DYSF: variants seen among roughly 807,000 people sequenced by gnomAD.
The protein encoded by DYSF is dystrophy-associated fer-1-like 1.
In DYSF, 212 loss-of-function variants were observed where a neutral mutation model predicts 274.9. That is an observed-to-expected ratio of 0.77 (90% CI 0.69 to 0.86). The LOEUF is 0.86. DYSF is among the 40% of genes least tolerant of loss of function. DYSF has a pLI of 0.00. For synonymous variants in DYSF, 1,091 were observed against 1,078.7 expected (o/e 1.01, Z -0.22); for missense variants, 2,666 against 2,783.2 (o/e 0.96, Z 0.95).
intron 41 of DYSF, among the ~76,000 whole-genome samples, chr2:71,622,130 GTTT>G (rs74263952): frequency 1.0e-5 from 1 of 97,004 alleles, no homozygotes; most frequent in Non-Finnish European, 2.0e-5. Flanking sequence ...TGATTTCTTT[GTTT>G]TTTTTTTTTT....
At chr2:71,670,734 GGT>G (rs1372168397) in intron 51 of DYSF, among the ~76,000 whole-genome samples, 1 of 152,176 alleles carries the variant, frequency 6.6e-6, no homozygotes, top group Non-Finnish European at 1.5e-5. Flanking sequence ...GCCTCTTCCT[GGT>G]AGGACCAGGC....
intron 1 of DYSF, among the ~76,000 whole-genome samples, chr2:71,457,028 C>T (rs1472082400): frequency 2.0e-5 from 3 of 152,134 alleles, no homozygotes; most frequent in Admixed American, 6.5e-5. Flanking sequence ...GTTTCAAATG[C>T]GTGTTCCTCA....
chr2:71,618,457 T>G (rs1574398042), intron 40 of DYSF, among the ~76,000 whole-genome samples: 149 of 4,514 alleles, frequency 0.033, no homozygotes, highest in Middle Eastern at 0.17. Context: ...GAGGTGGGGT[T>G]GTGTGTGTGT....
At chr2:71,461,908 A>G (rs1573246496), upstream of DYSF, among the ~76,000 whole-genome samples, 3 of 152,206 alleles carry the variant, frequency 2.0e-5, no homozygotes, top group East Asian at 5.8e-4. Flanking sequence ...GGGAAAATCA[A>G]TTTATTAAAT....
chr2:71,660,424 G>A (rs2094857532), intron 44 of DYSF, 136 bp from the exon 45 acceptor site: 1 of 757,888 alleles, frequency 1.3e-6, no homozygotes, highest in Admixed American at 1.9e-5. Context: ...AGGGGGCCCT[G>A]TCTTGGCAGG....
chr2:71,478,313 G>T lies in DYSF; in HGVS notation c.92-2570G>T, dbSNP rs140837733. On this transcript the variant is annotated intron_variant, in intron 1 of 55. Coordinates refer to ENST00000410020, the MANE Select transcript of DYSF (RefSeq NM_001130987.2). The stretch of plus-strand genomic sequence containing the variant: ...TGCAAGCCCCGCCTCCTGGGTTCAC[G>T]CCATTCTCCTGCCTCAGCCTCCCGA... 4.0e-3 allele frequency among the ~76,000 whole-genome samples: 611 copies of T among 151,300 alleles called. 3 individuals are homozygous for T. The highest frequency in any genetic ancestry group is 0.014 in the African/African-American group (571 of 41,192).
chr2:71,619,662 G>A (rs1235178750), intron 40 of DYSF, among the ~76,000 whole-genome samples: 3 of 152,192 alleles, frequency 2.0e-5, no homozygotes, highest in South Asian at 2.1e-4. Context: ...CTCCTGACCC[G>A]TTTGCTCTTT....
At chr2:71,601,661 G>A in intron 35 of DYSF, 133 bp downstream of exon 35, 1 of 1,188,906 alleles carries the variant, frequency 8.4e-7, no homozygotes, top group Non-Finnish European at 1.2e-6. Context: ...GCTCTTTCAA[G>A]CAGAGGAGGG....
upstream of DYSF, among the ~76,000 whole-genome samples, chr2:71,461,998 C>T (rs1417294851): frequency 1.3e-5 from 2 of 152,206 alleles, no homozygotes; most frequent in Non-Finnish European, 2.9e-5. Context: ...GACTATACAA[C>T]TCTGTCACAG....
intron 36 of DYSF, chr2:71,610,837 C>A: frequency 3.3e-6 from 1 of 306,140 alleles, no homozygotes; most frequent in Non-Finnish European, 6.4e-6. Context: ...GGCGGGCAGG[C>A]ACATGGTCCT....
chr2:71,653,722 A>T (rs529795258), intron 42 of DYSF, among the ~76,000 whole-genome samples: 50 of 151,720 alleles, frequency 3.3e-4, no homozygotes, highest in African/African-American at 1.2e-3. Flanking sequence ...ATGAAGAGTT[A>T]ATGGGTGCAG....
At chr2:71,549,798 T>C (rs1010822783) in intron 17 of DYSF, among the ~76,000 whole-genome samples, 6 of 152,150 alleles carry the variant, frequency 3.9e-5, no homozygotes, top group African/African-American at 9.6e-5. Flanking sequence ...CCAAGGTAAA[T>C]CATAATTGAG....
chr2:71,559,824 C>G (rs1395106158), intron 22 of DYSF, among the ~76,000 whole-genome samples: 1 of 152,224 alleles, frequency 6.6e-6, no homozygotes, highest in Non-Finnish European at 1.5e-5. Context: ...GAGAGCAGGG[C>G]CAGGTCTCAT....
chr2:71,540,723 A>G (rs1352192956), intron 17 of DYSF, among the ~76,000 whole-genome samples: 1 of 151,448 alleles, frequency 6.6e-6, no homozygotes, highest in African/African-American at 2.4e-5. Context: ...TAAATGTCTT[A>G]TTTATGTTCT....
At chr2:71,500,331 C>T (rs2084851882) in intron 3 of DYSF, among the ~76,000 whole-genome samples, 1 of 152,160 alleles carries the variant, frequency 6.6e-6, no homozygotes, top group African/African-American at 2.4e-5. Flanking sequence ...CTGCTCCTTA[C>T]ACTGCGGGAG....
intron 21 of DYSF, 72 bp downstream of exon 21, chr2:71,554,003 C>G (rs1031224222): frequency 6.2e-7 from 1 of 1,606,516 alleles, no homozygotes; most frequent in Non-Finnish European, 8.5e-7. Context: ...TGGGGTGTCT[C>G]AGACCACCAC....
chr2:71,595,711 A>G (rs2093386777), intron 32 of DYSF, among the ~76,000 whole-genome samples: 1 of 152,168 alleles, frequency 6.6e-6, no homozygotes, highest in South Asian at 2.1e-4. Context: ...TTGTGTGCTC[A>G]TGGCTGGATC....
chr2:71,650,298 C>T lies in DYSF; in HGVS notation c.4627-5864C>T, dbSNP rs140338124. On this transcript the variant is annotated intron_variant, in intron 42 of 55. Coordinates refer to ENST00000410020, the MANE Select transcript of DYSF (RefSeq NM_001130987.2). ...GAGTTCAAGACCAGCCTGGTCAATA[C>T]AGCGAAACTCTGTCTCTACAAAAAA... Among the ~76,000 whole-genome samples the T allele has an allele frequency of 4.3e-3, 661 of 152,146 alleles. 6 individuals carry two copies. Among genetic ancestry groups the T allele is most frequent in the East Asian group, 0.027 (138 of 5,166 alleles).
chr2:71,593,448 T>C (rs1391577755), intron 32 of DYSF, among the ~76,000 whole-genome samples: 1 of 152,168 alleles, frequency 6.6e-6, no homozygotes, highest in Non-Finnish European at 1.5e-5. Flanking sequence ...TGACTTCTTT[T>C]TGTTGTTGGG....
Sources: gnomAD v4.1 joint callset for allele counts (sites outside exome capture counted in the v4.1 genomes callset) on GRCh38, gnomAD v4.1.1 for gene constraint, MANE v1.5 for transcripts, NCBI Gene and HGNC (gene_info 2026-07-23, HGNC 2026-07-21) for gene names.